Variants in CAMKMT observed in about 807,000 individuals in gnomAD.
CAMKMT encodes CaM KMT.
Under a neutral mutation model 48.0 loss-of-function variants are expected in CAMKMT, and 53 were observed. The ratio of observed to expected loss-of-function variants is 1.10; its 90% CI spans 0.89 to 1.39. The LOEUF (loss-of-function observed/expected upper bound fraction) is 1.39. Ranked by LOEUF, CAMKMT falls within the 40% of genes most tolerant of loss-of-function variation. The probability of loss-of-function intolerance (pLI) is 0.00; values close to 1 mark genes in which losing one functional copy is unlikely to be tolerated. For synonymous variants in CAMKMT, 165 were observed against 152.3 expected (o/e 1.08, Z -0.61); for missense variants, 428 against 402.7 (o/e 1.06, Z -0.54).
At chr2:44,431,323 G>T (rs957876742) in intron 3 of CAMKMT, among the ~76,000 whole-genome samples, 1 of 152,092 alleles carries the variant, frequency 6.6e-6, no homozygotes, top group Non-Finnish European at 1.5e-5. Flanking sequence ...GGAAAATTGA[G>T]AAAATATTAT....
At chr2:44,406,704 C>T (rs1305532632) in intron 3 of CAMKMT, among the ~76,000 whole-genome samples, 1 of 152,170 alleles carries the variant, frequency 6.6e-6, no homozygotes, top group Non-Finnish European at 1.5e-5. Context: ...CCAGGTGATC[C>T]TCCCACCTCA....
At chr2:44,585,833 C>T (rs1253648479) in intron 3 of CAMKMT, among the ~76,000 whole-genome samples, 2 of 152,104 alleles carry the variant, frequency 1.3e-5, no homozygotes, top group African/African-American at 4.8e-5. Context: ...TATTGCTGAT[C>T]AATTCTGTGT....
intron 3 of CAMKMT, among the ~76,000 whole-genome samples, chr2:44,655,151 C>G (rs1243659877): frequency 6.6e-6 from 1 of 152,144 alleles, no homozygotes; most frequent in Non-Finnish European, 1.5e-5. Flanking sequence ...AGATCACTTT[C>G]ATGTAGACTT....
In CAMKMT at chr2:44,608,352, A is replaced by C. The variant is rs978177698; in HGVS notation, c.377-95931A>C. Among the ~76,000 whole-genome samples, 5 of 152,212 alleles carry C rather than the reference A, an allele frequency of 3.3e-5. No individual in the cohort carries two copies. In the South Asian group the frequency reaches 8.3e-4, roughly 25 times the overall value. On this transcript the variant is annotated intron_variant, in intron 3 of 10. Coordinates refer to ENST00000378494, the MANE Select transcript of CAMKMT (RefSeq NM_024766.5). The stretch of plus-strand genomic sequence containing the variant: ...CTCCCAAAGTGCTGGGATTACAGGC[A>C]TGAGCCACCGCACCCAGCCTATTTT...
intron 3 of CAMKMT, among the ~76,000 whole-genome samples, chr2:44,421,922 C>T (rs1322905828): frequency 6.6e-6 from 1 of 152,144 alleles, no homozygotes; most frequent in Non-Finnish European, 1.5e-5. Flanking sequence ...AAGCAATTCT[C>T]AGAGTATATT....
At chr2:44,627,825 G>A (rs554315792) in intron 3 of CAMKMT, among the ~76,000 whole-genome samples, 10 of 140,960 alleles carry the variant, frequency 7.1e-5, no homozygotes, top group South Asian at 4.9e-4. Context: ...TCAGCCTCCC[G>A]AGTAGCTGGG....
chr2:44,484,772 T>C (rs558253940), intron 3 of CAMKMT, among the ~76,000 whole-genome samples: 94 of 151,914 alleles, frequency 6.2e-4, no homozygotes, highest in African/African-American at 2.2e-3. Flanking sequence ...AAGGACACTA[T>C]TTAGAAAGTA....
chr2:44,620,991 G>A (rs1370506078), intron 3 of CAMKMT, among the ~76,000 whole-genome samples: 1 of 152,176 alleles, frequency 6.6e-6, no homozygotes, highest in Non-Finnish European at 1.5e-5. Context: ...GGAGCAGGCC[G>A]GGTGCGGTGG....
chr2:44,488,346 C>A (rs1558651913), intron 3 of CAMKMT, among the ~76,000 whole-genome samples: 2 of 151,754 alleles, frequency 1.3e-5, no homozygotes, highest in Non-Finnish European at 2.9e-5. Context: ...ACTAAAAATA[C>A]AAAAAAAATT....
At chr2:44,463,753 T>C (rs1303789512) in intron 3 of CAMKMT, among the ~76,000 whole-genome samples, 2 of 152,060 alleles carry the variant, frequency 1.3e-5, no homozygotes, top group African/African-American at 2.4e-5. Context: ...ACTTCTCTAA[T>C]TGGGAATTTA....
In CAMKMT at chr2:44,723,452, G is replaced by A. The variant is rs573719111; in HGVS notation, c.623+8099G>A. Among the ~76,000 whole-genome samples the A allele has an allele frequency of 5.3e-5, 8 of 152,012 alleles. No individual in the cohort carries two copies. In the South Asian group the frequency reaches 1.0e-3, roughly 20 times the overall value. On this transcript the variant is annotated intron_variant, in intron 7 of 10. Coordinates refer to ENST00000378494, the MANE Select transcript of CAMKMT (RefSeq NM_024766.5). ...CTAAAAACAGAAAAATTAGCCAGGC[G>A]TGTCGGCGGGCACCTGTAATCCGAG... is the stretch of plus-strand genomic sequence containing the variant.
chr2:44,366,484 A>G (rs766824594), intron 1 of CAMKMT, among the ~76,000 whole-genome samples: 3 of 151,970 alleles, frequency 2.0e-5, no homozygotes, highest in African/African-American at 4.8e-5. Context: ...ATCTTGTTGT[A>G]TTGTTCATCT....
chr2:44,389,551 G>T (rs1486760663), intron 2 of CAMKMT, among the ~76,000 whole-genome samples: 1 of 152,038 alleles, frequency 6.6e-6, no homozygotes, highest in Non-Finnish European at 1.5e-5. Flanking sequence ...AGATGGATTA[G>T]CACTAATTTT....
chr2:44,399,581 C>G (rs1682169784), intron 3 of CAMKMT, among the ~76,000 whole-genome samples: 1 of 151,554 alleles, frequency 6.6e-6, no homozygotes, highest in Admixed American at 6.6e-5. Flanking sequence ...CCTGCCATCT[C>G]ACATTGCTAC....
chr2:44,547,119 T>C (rs1406721370), intron 3 of CAMKMT, among the ~76,000 whole-genome samples: 1 of 152,206 alleles, frequency 6.6e-6, no homozygotes, highest in Non-Finnish European at 1.5e-5. Context: ...GGTTTTTTGT[T>C]ATTGTTATTT....
At chr2:44,430,663 C>T (rs1684593957) in intron 3 of CAMKMT, among the ~76,000 whole-genome samples, 1 of 152,034 alleles carries the variant, frequency 6.6e-6, no homozygotes, top group Non-Finnish European at 1.5e-5. Flanking sequence ...TTACTCTTTG[C>T]AATAAAACTT....
chr2:44,432,161 C>A (rs773198395), intron 3 of CAMKMT, among the ~76,000 whole-genome samples: 1 of 152,160 alleles, frequency 6.6e-6, no homozygotes, highest in African/African-American at 2.4e-5. Context: ...GTAGTGGTTA[C>A]TGAGGGTTTC....
At chr2:44,688,603 A>T (rs1558797269) in intron 3 of CAMKMT, among the ~76,000 whole-genome samples, 1 of 152,082 alleles carries the variant, frequency 6.6e-6, no homozygotes, top group Non-Finnish European at 1.5e-5. Context: ...ACTAAACCCC[A>T]ATGAGATGTT....
At chr2:44,747,972 C>A (rs538172814) in intron 8 of CAMKMT, among the ~76,000 whole-genome samples, 3 of 152,304 alleles carry the variant, frequency 2.0e-5, no homozygotes, top group East Asian at 3.9e-4. Flanking sequence ...AAAATGGTAT[C>A]TCTGTCCCCA....
Sources: allele counts gnomAD v4.1 joint callset (sites outside exome capture counted in the v4.1 genomes callset), GRCh38; gene constraint gnomAD v4.1.1; transcripts MANE v1.5; gene names NCBI Gene and HGNC (gene_info 2026-07-23, HGNC 2026-07-21).